CALN1: variants seen among roughly 807,000 people sequenced by gnomAD.
CALN1 encodes calneuron 1.
Under a neutral mutation model 30.6 loss-of-function variants are expected in CALN1, and 17 were observed. The observed-to-expected ratio is 0.56, with a 90% CI of 0.38 to 0.83. The LOEUF (loss-of-function observed/expected upper bound fraction) is 0.83, where lower values mean the gene tolerates loss of function less well. Among genes scored for constraint, CALN1 ranks in the 40% least tolerant of loss-of-function variants. The pLI is 0.00. For missense variants in CALN1, 291 were observed against 354.9 expected (o/e 0.82, Z 1.45); for synonymous variants, 156 against 131.4 (o/e 1.19, Z -1.28).
chr7:72,459,256 C>T, the CALN1 span, among the ~76,000 whole-genome samples: 5 of 152,044 alleles, frequency 3.3e-5, no homozygotes, highest in African/African-American at 1.2e-4. Context: ...ATGTAAAATG[C>T]GCGATTTTTC....
chr7:72,228,726 C>T (rs1793860713), intron 3 of CALN1, among the ~76,000 whole-genome samples: 1 of 148,236 alleles, frequency 6.7e-6, no homozygotes, highest in Admixed American at 6.7e-5. Context: ...CAAGTGTTGG[C>T]TACCTTATTT....
At chr7:72,159,783 G>C (rs902113473) in intron 3 of CALN1, among the ~76,000 whole-genome samples, 1 of 152,148 alleles carries the variant, frequency 6.6e-6, no homozygotes, top group African/African-American at 2.4e-5. Context: ...GGGTGGCAGA[G>C]TGAGACTTCA....
chr7:72,428,881 C>G (rs765326526), intron 1 of CALN1, among the ~76,000 whole-genome samples: 8 of 152,150 alleles, frequency 5.3e-5, no homozygotes, highest in Non-Finnish European at 1.0e-4. Context: ...GAGAGAATCA[C>G]AGAAGGGGAA....
At chr7:72,486,348 T>C in the CALN1 span, among the ~76,000 whole-genome samples, 1 of 152,128 alleles carries the variant, frequency 6.6e-6, no homozygotes, top group African/African-American at 2.4e-5. Flanking sequence ...CTGTAAATCA[T>C]CTATATCATA....
chr7:72,082,306 G>A (rs199561543), intron 4 of CALN1, among the ~76,000 whole-genome samples: 2 of 152,232 alleles, frequency 1.3e-5, no homozygotes, highest in East Asian at 3.9e-4. Flanking sequence ...TTTAACAGCT[G>A]CTGTGACAGA....
At chr7:72,278,489 A>ACACACT (rs1275311150) in intron 3 of CALN1, among the ~76,000 whole-genome samples, 197 bp downstream of exon 3, 2 of 151,394 alleles carry the variant, frequency 1.3e-5, no homozygotes, top group African/African-American at 4.9e-5. Context: ...ACACACACAC[A>ACACACT]CACACACACA....
intron 2 of CALN1, among the ~76,000 whole-genome samples, chr7:72,378,973 A>C (rs1298392424): frequency 1.3e-5 from 2 of 152,186 alleles, no homozygotes; most frequent in African/African-American, 4.8e-5. Flanking sequence ...GGGTTTCCTT[A>C]GTCTGTTATG....
intron 3 of CALN1, among the ~76,000 whole-genome samples, chr7:72,270,473 A>G (rs923775364): frequency 6.6e-6 from 1 of 152,208 alleles, no homozygotes; most frequent in Non-Finnish European, 1.5e-5. Context: ...AAGAAGATAA[A>G]AGTTTTAATA....
chr7:72,107,551 C>T (rs1343586783), intron 3 of CALN1, among the ~76,000 whole-genome samples: 1 of 152,180 alleles, frequency 6.6e-6, no homozygotes, highest in Admixed American at 6.5e-5. Flanking sequence ...CCAGAGTCCC[C>T]TTCTCCAGAG....
intron 3 of CALN1, among the ~76,000 whole-genome samples, chr7:72,255,879 C>T (rs1460963703): frequency 6.6e-6 from 1 of 152,034 alleles, no homozygotes; most frequent in African/African-American, 2.4e-5. Flanking sequence ...TACAGATGCG[C>T]ACCAGCACGC....
At chr7:72,374,576 C>G (rs183742504) in intron 2 of CALN1, among the ~76,000 whole-genome samples, 2 of 134,266 alleles carry the variant, frequency 1.5e-5, no homozygotes, top group African/African-American at 5.3e-5. Context: ...AAACAGAAAA[C>G]TAGAAATACA....
intron 2 of CALN1, among the ~76,000 whole-genome samples, chr7:72,352,665 G>C (rs1298043621): frequency 6.6e-6 from 1 of 152,028 alleles, no homozygotes; most frequent in Non-Finnish European, 1.5e-5. Flanking sequence ...GAAAATTATA[G>C]CTTAAAATGT....
the CALN1 span, among the ~76,000 whole-genome samples, chr7:72,499,826 C>CTTCCTTCCTTCTTTCTTTCT: frequency 1.9e-5 from 1 of 53,320 alleles, no homozygotes. Flanking sequence ...TCCTTCCTTC[C>CTTCCTTCCTTCTTTCTTTCT]TTCTTTCTTT....
intron 2 of CALN1, chr7:72,336,598 C>T (rs1802056687): frequency 2.6e-6 from 2 of 779,040 alleles, no homozygotes; most frequent in Non-Finnish European, 3.1e-6. Context: ...CACCAGGGCC[C>T]GCGACAGCCC....
chr7:72,381,619 G>A (rs1804905102), intron 2 of CALN1, among the ~76,000 whole-genome samples: 2 of 152,204 alleles, frequency 1.3e-5, no homozygotes, highest in East Asian at 3.9e-4. Context: ...CGAACACCCC[G>A]TGTTCTCACT....
intron 5 of CALN1, among the ~76,000 whole-genome samples, chr7:72,009,557 T>C (rs1799952944): frequency 6.6e-6 from 1 of 152,228 alleles, no homozygotes. Context: ...GTTTTTAAAA[T>C]GTTGGTAAGT....
At chr7:72,454,352 G>C in the CALN1 span, among the ~76,000 whole-genome samples, 1 of 152,196 alleles carries the variant, frequency 6.6e-6, no homozygotes, top group African/African-American at 2.4e-5. Flanking sequence ...GAGCAGGCTT[G>C]ATCAGGCACC....
chr7:72,373,412 G>C (rs1279230154), intron 2 of CALN1, among the ~76,000 whole-genome samples: 1 of 152,266 alleles, frequency 6.6e-6, no homozygotes, highest in East Asian at 1.9e-4. Flanking sequence ...GTCTGACTTA[G>C]GATTTTTTGA....
chr7:71,909,201 T>C (rs1396525995), intron 5 of CALN1, among the ~76,000 whole-genome samples: 1 of 152,050 alleles, frequency 6.6e-6, no homozygotes, highest in Non-Finnish European at 1.5e-5. Flanking sequence ...TTTTTAGAGA[T>C]AGGGTCTTGC....
Sources: allele counts gnomAD v4.1 joint callset (sites outside exome capture counted in the v4.1 genomes callset), GRCh38; gene constraint gnomAD v4.1.1; transcripts MANE v1.5; gene names NCBI Gene and HGNC (gene_info 2026-07-23, HGNC 2026-07-21).